DPP10: variants seen among roughly 807,000 people sequenced by gnomAD.
DPP10 encodes dipeptidyl peptidase like 10.
A neutral mutation model predicts 120.9 loss-of-function variants in DPP10; 33 were observed. The ratio of observed to expected loss-of-function variants is 0.27; its 90% CI spans 0.21 to 0.37. The LOEUF (loss-of-function observed/expected upper bound fraction) is 0.37. Among genes scored for constraint, DPP10 ranks in the 10% least tolerant of loss-of-function variants. DPP10 has a pLI of 1.00. For missense variants in DPP10, 816 were observed against 942.8 expected (o/e 0.87, Z 1.76); for synonymous variants, 337 against 326.1 (o/e 1.03, Z -0.36).
chr2:114,708,509 C>A (rs1384079591), intron 1 of DPP10, among the ~76,000 whole-genome samples: 8 of 152,248 alleles, frequency 5.3e-5, no homozygotes, highest in African/African-American at 1.9e-4. Flanking sequence ...CTGTTCCCAC[C>A]ACCGGCACTT....
Position 114,987,804 on chromosome 2 carries a change from C to CTTTTTTTTTTTTTTTTTTTTTT in DPP10, c.61-321423_61-321422insTTTTTTTTTTTTTTTTTTTTTT, listed in dbSNP as rs59203543. On this transcript the variant is annotated intron_variant, in intron 1 of 25. Transcript: ENST00000410059. ...TATACTCCTTGAGTGTGGAGACTGTCTTTTTTTTTTTTATTTTGAGATGGA... is the reference window on the plus strand; with the variant it reads ...TATACTCCTTGAGTGTGGAGACTGTCTTTTTTTTTTTTTTTTTTTTTTTTTTTTTTTTTTATTTTGAGATGGA... Among the ~76,000 whole-genome samples, 71 of 101,030 alleles carry CTTTTTTTTTTTTTTTTTTTTTT rather than the reference C, an allele frequency of 7.0e-4. 3 individuals carry two copies. The highest frequency in any genetic ancestry group is 1.4e-3 in the East Asian group (4 of 2,888). 66.3% of individuals were successfully genotyped at this position (101,030 alleles called of 152,430 possible).
intron 17 of DPP10, among the ~76,000 whole-genome samples, chr2:115,786,255 A>G (rs868012888): frequency 6.6e-6 from 1 of 152,214 alleles, no homozygotes; most frequent in Non-Finnish European, 1.5e-5. Context: ...GTATACAAAC[A>G]TAAGAACGCA....
At chr2:115,821,709 T>C (rs1432054178) in intron 21 of DPP10, among the ~76,000 whole-genome samples, 1 of 151,962 alleles carries the variant, frequency 6.6e-6, no homozygotes, top group Non-Finnish European at 1.5e-5. Context: ...TAAATATAAT[T>C]TTGGTTTGTT....
intron 1 of DPP10, among the ~76,000 whole-genome samples, chr2:115,252,071 G>A (rs1334060039): frequency 6.6e-6 from 1 of 152,086 alleles, no homozygotes; most frequent in Non-Finnish European, 1.5e-5. Context: ...ATTCCAAGAG[G>A]ACCTCCTCAA....
At chr2:114,781,886 C>T (rs79640941) in intron 1 of DPP10, among the ~76,000 whole-genome samples, 1 of 152,104 alleles carries the variant, frequency 6.6e-6, no homozygotes, top group Non-Finnish European at 1.5e-5. Flanking sequence ...TCACATGCAT[C>T]TTCTAAATTT....
chr2:115,169,679 A>G (rs1222751212), intron 1 of DPP10, among the ~76,000 whole-genome samples: 1 of 152,180 alleles, frequency 6.6e-6, no homozygotes, highest in Non-Finnish European at 1.5e-5. Context: ...GCATACGGGA[A>G]CAGGTGATAT....
chr2:114,893,757 A>T (rs1053122216), intron 1 of DPP10, among the ~76,000 whole-genome samples: 2 of 152,218 alleles, frequency 1.3e-5, no homozygotes, highest in African/African-American at 4.8e-5. Flanking sequence ...CATCCAATTA[A>T]CATATTCATG....
intron 1 of DPP10, among the ~76,000 whole-genome samples, chr2:114,884,037 CT>C (rs5833567): frequency 0.99 from 150,169 of 152,092 alleles, 74,164 homozygotes; most frequent in East Asian, 1. Flanking sequence ...TTTAATTTCA[CT>C]TTTTTTTTCT....
At chr2:115,660,951 A>C (rs1387837656) in intron 5 of DPP10, among the ~76,000 whole-genome samples, 1 of 143,042 alleles carries the variant, frequency 7.0e-6, no homozygotes, top group Non-Finnish European at 1.5e-5. Flanking sequence ...ACCAGTTAAA[A>C]ATTCATATAT....
At chr2:114,851,204 C>A (rs1018556799) in intron 1 of DPP10, among the ~76,000 whole-genome samples, 2 of 152,074 alleles carry the variant, frequency 1.3e-5, no homozygotes, top group East Asian at 1.9e-4. Context: ...AGGCTCATAT[C>A]ATTTGTAACT....
intron 17 of DPP10, among the ~76,000 whole-genome samples, chr2:115,788,564 A>C (rs1224134352): frequency 6.6e-6 from 1 of 152,256 alleles, no homozygotes; most frequent in Non-Finnish European, 1.5e-5. Context: ...TGATGTTTAT[A>C]CAAATGCTAT....
intron 1 of DPP10, among the ~76,000 whole-genome samples, chr2:114,560,404 A>G (rs1370915463): frequency 1.3e-5 from 2 of 152,214 alleles, no homozygotes; most frequent in South Asian, 4.1e-4. Flanking sequence ...TATCTAAGAC[A>G]TGTTGGATGC....
At chr2:115,590,617 A>G (rs2082596007) in intron 5 of DPP10, among the ~76,000 whole-genome samples, 1 of 152,188 alleles carries the variant, frequency 6.6e-6, no homozygotes. Context: ...AAATAGTGCC[A>G]CAATAAACAT....
chr2:115,303,061 A>G (rs6741354), intron 1 of DPP10, among the ~76,000 whole-genome samples: 1,820 of 152,132 alleles, frequency 0.012, 16 homozygotes, highest in Middle Eastern at 0.02. Context: ...ATAGTCCATA[A>G]TGTTTGTTAT....
intron 5 of DPP10, among the ~76,000 whole-genome samples, chr2:115,648,530 G>A (rs1575433834): frequency 6.6e-6 from 1 of 151,614 alleles, no homozygotes; most frequent in Admixed American, 6.6e-5. Context: ...CCAGGTGATG[G>A]GTTCTTAGGT....
chr2:115,490,269 C>G (rs146563430), intron 3 of DPP10, among the ~76,000 whole-genome samples: 3 of 152,072 alleles, frequency 2.0e-5, no homozygotes, highest in African/African-American at 7.2e-5. Flanking sequence ...GCAGAAGGTA[C>G]GTCTTCACAG....
chr2:115,673,276 A>G (rs370819211), intron 5 of DPP10, among the ~76,000 whole-genome samples: 2 of 152,144 alleles, frequency 1.3e-5, no homozygotes, highest in East Asian at 1.9e-4. Context: ...CTTTTATTCA[A>G]TGTCAGGATG....
chr2:115,293,510 T>C (rs1574322839), intron 1 of DPP10, among the ~76,000 whole-genome samples: 1 of 152,112 alleles, frequency 6.6e-6, no homozygotes, highest in Non-Finnish European at 1.5e-5. Flanking sequence ...CAGTTCTTTT[T>C]CTTATGATTC....
chr2:115,438,430 G>A, intron 3 of DPP10, among the ~76,000 whole-genome samples: 1 of 152,064 alleles, frequency 6.6e-6, no homozygotes, highest in East Asian at 1.9e-4. Context: ...ATACTTGCGT[G>A]CCAATTATTA....
Sources: gnomAD v4.1 joint callset for allele counts (sites outside exome capture counted in the v4.1 genomes callset) on GRCh38, gnomAD v4.1.1 for gene constraint, MANE v1.5 for transcripts, NCBI Gene and HGNC (gene_info 2026-07-23, HGNC 2026-07-21) for gene names.